Variants in NBEA observed in about 807,000 individuals in gnomAD.
NBEA encodes the protein neurobeachin.
Under a neutral mutation model 343.4 loss-of-function variants are expected in NBEA, and 44 were observed. The ratio of observed to expected loss-of-function variants is 0.13; its 90% CI spans 0.10 to 0.16. The LOEUF is 0.16. Among genes scored for constraint, NBEA ranks in the 10% least tolerant of loss-of-function variants. The probability of loss-of-function intolerance (pLI) is 1.00; values close to 1 mark genes in which losing one functional copy is unlikely to be tolerated. For synonymous variants in NBEA, 1,175 were observed against 1,238.7 expected (o/e 0.95, Z 1.08); for missense variants, 2,555 against 3,631.3 (o/e 0.70, Z 7.62).
At chr13:35,176,830 G>C (rs546320503) in intron 27 of NBEA, among the ~76,000 whole-genome samples, 166 bp from the exon 28 acceptor site, 2 of 152,048 alleles carry the variant, frequency 1.3e-5, no homozygotes, top group South Asian at 4.1e-4. Context: ...CATGACATGA[G>C]TAGAGAGCAG....
intron 34 of NBEA, among the ~76,000 whole-genome samples, chr13:35,258,578 A>G (rs1250520863): frequency 6.6e-6 from 1 of 151,818 alleles, no homozygotes; most frequent in Non-Finnish European, 1.5e-5. Context: ...TAGCCCATCC[A>G]TAGACTACAG....
chr13:35,212,720 AT>A (rs962323970), intron 33 of NBEA, among the ~76,000 whole-genome samples: 3 of 152,050 alleles, frequency 2.0e-5, no homozygotes, highest in Admixed American at 2.0e-4. Context: ...CATTTTAGCC[AT>A]TTTGGCAGAA....
At chr13:34,976,676 G>A (rs1408658802) in intron 1 of NBEA, among the ~76,000 whole-genome samples, 1 of 145,292 alleles carries the variant, frequency 6.9e-6, no homozygotes, top group Non-Finnish European at 1.5e-5. Flanking sequence ...TTTTCATGGA[G>A]CAGAGACTCA....
intron 33 of NBEA, among the ~76,000 whole-genome samples, chr13:35,213,792 C>T (rs1401565169): frequency 6.6e-6 from 1 of 151,884 alleles, no homozygotes; most frequent in Non-Finnish European, 1.5e-5. Flanking sequence ...TCATTTTGAG[C>T]ATACATTTTA....
At chr13:34,961,267 T>G (rs1432944674) in intron 1 of NBEA, among the ~76,000 whole-genome samples, 1 of 152,070 alleles carries the variant, frequency 6.6e-6, no homozygotes, top group East Asian at 1.9e-4. Flanking sequence ...TAATGTAGCT[T>G]ATTCCTGAGA....
At position 35,538,499 on chromosome 13, in the gene NBEA, TGTTAACACC is replaced by T. The variant is rs1235123048; in HGVS notation, c.6586-11975_6586-11967del. On this transcript the variant is annotated intron_variant, in intron 41 of 58. Coordinates refer to ENST00000379939, the MANE Select transcript of NBEA (RefSeq NM_001385012.1). ...CATAACAGTAAAAAAAAAGACACAC[TGTTAACACC>T]GTGTAAAAACAATGTGTTCAGTGTA... 4.6e-5 allele frequency among the ~76,000 whole-genome samples: 7 copies of T among 152,280 alleles called. No individual in the cohort carries two copies. The East Asian group carries it at 1.4e-3, about 29-fold the overall frequency.
At chr13:35,285,156 C>T (rs1566566722) in intron 34 of NBEA, among the ~76,000 whole-genome samples, 1 of 152,038 alleles carries the variant, frequency 6.6e-6, no homozygotes, top group East Asian at 1.9e-4. Context: ...TAGGCTGGAC[C>T]TGGTGGCTCA....
chr13:35,423,333 G>T, intron 38 of NBEA, among the ~76,000 whole-genome samples: 1 of 152,148 alleles, frequency 6.6e-6, no homozygotes, highest in Non-Finnish European at 1.5e-5. Context: ...TGTATAAGGT[G>T]TAAGGAAGGG....
rs183070748 is a variant in NBEA, at chr13:35,268,917, T to C, written c.5777-21472T>C. ...TGCCAACCTGTTATTCTTAATTCAG[T>C]GAAAATATTCTTCAAAAATGAAGGT... On this transcript the variant is annotated intron_variant, in intron 34 of 58. Coordinates refer to ENST00000379939, the MANE Select transcript of NBEA (RefSeq NM_001385012.1). 2.3e-3 allele frequency among the ~76,000 whole-genome samples: 349 copies of C among 152,180 alleles called. 3 individuals are homozygous for C. The highest frequency in any genetic ancestry group is 2.7e-3 in the Non-Finnish European group (183 of 67,950).
chr13:35,010,576 C>CAA (rs1194549300), intron 1 of NBEA, among the ~76,000 whole-genome samples: 197 of 64,710 alleles, frequency 3.0e-3, no homozygotes, highest in Middle Eastern at 0.01. Context: ...GACCCTGTCT[C>CAA]AAAAAAAAAA....
At chr13:34,950,540 A>C (rs1469523381) in intron 1 of NBEA, among the ~76,000 whole-genome samples, 2 of 151,216 alleles carry the variant, frequency 1.3e-5, no homozygotes, top group Admixed American at 1.3e-4. Context: ...ATTCTAAATT[A>C]AAAAATTTAG....
chr13:35,117,730 T>C (rs2066572607), intron 14 of NBEA, among the ~76,000 whole-genome samples: 1 of 152,028 alleles, frequency 6.6e-6, no homozygotes, highest in African/African-American at 2.4e-5. Context: ...TGAATAAGAA[T>C]TGAGCCCTTA....
At chr13:35,142,461 G>C in intron 18 of NBEA, 84 bp downstream of exon 18, 1 of 833,498 alleles carries the variant, frequency 1.2e-6, no homozygotes, top group East Asian at 2.8e-5. Flanking sequence ...TGAGTAGTTG[G>C]TCTGTTAATC....
At chr13:35,096,571 A>C (rs1050656154) in intron 10 of NBEA, among the ~76,000 whole-genome samples, 1 of 151,866 alleles carries the variant, frequency 6.6e-6, no homozygotes, top group Non-Finnish European at 1.5e-5. Flanking sequence ...TTCATGGATC[A>C]TAGGGACCAT....
At chr13:35,102,445 CA>C (rs1177586319) in intron 11 of NBEA, among the ~76,000 whole-genome samples, 1 of 151,446 alleles carries the variant, frequency 6.6e-6, no homozygotes, top group Non-Finnish European at 1.5e-5. Flanking sequence ...CAACTTCCAC[CA>C]AAAAACATGA....
At chr13:35,120,014 CTTATAT>C (rs1246381897) in intron 16 of NBEA, among the ~76,000 whole-genome samples, 3 of 152,256 alleles carry the variant, frequency 2.0e-5, no homozygotes, top group East Asian at 1.9e-4. Flanking sequence ...CTCTTCTGAA[CTTATAT>C]TTAGATTGAA....
chr13:35,156,919 T>C (rs1320470154), intron 20 of NBEA, among the ~76,000 whole-genome samples, 159 bp from the exon 21 acceptor site: 1 of 152,156 alleles, frequency 6.6e-6, no homozygotes, highest in East Asian at 1.9e-4. Context: ...TAAGAGAAAG[T>C]CATTCCAAGT....
intron 33 of NBEA, among the ~76,000 whole-genome samples, chr13:35,226,067 C>T (rs867667466): frequency 1.3e-5 from 2 of 152,022 alleles, no homozygotes; most frequent in Admixed American, 6.6e-5. Context: ...CAAATTCTTT[C>T]GGTGCTTTAC....
intron 38 of NBEA, among the ~76,000 whole-genome samples, chr13:35,384,606 A>G (rs1481784870): frequency 6.7e-6 from 1 of 149,324 alleles, no homozygotes; most frequent in Non-Finnish European, 1.5e-5. Context: ...GCTCACTGCA[A>G]CCTCCGCCTC....
Sources: gnomAD v4.1 joint callset for allele counts (sites outside exome capture counted in the v4.1 genomes callset) on GRCh38, gnomAD v4.1.1 for gene constraint, MANE v1.5 for transcripts, NCBI Gene and HGNC (gene_info 2026-07-23, HGNC 2026-07-21) for gene names.